PCDH7: variants seen among roughly 807,000 people sequenced by gnomAD.
PCDH7 encodes protocadherin-7.
PCDH7 carries 17 observed loss-of-function variants against 58.9 expected under a neutral mutation model. The ratio of observed to expected loss-of-function variants is 0.29; its 90% CI spans 0.20 to 0.43. PCDH7 has a LOEUF of 0.43. Among genes scored for constraint, PCDH7 ranks in the 20% least tolerant of loss-of-function variants. The pLI, the probability that PCDH7 is intolerant of heterozygous loss-of-function variation, is 1.00. For synonymous variants in PCDH7, 664 were observed against 616.4 expected, an observed-to-expected ratio of 1.08 and a Z score of -1.14; for missense variants, 1,274 against 1,441.0, an observed-to-expected ratio of 0.88 and a Z score of 1.88.
chr4:30,836,538 C>T (rs545672753), intron 1 of PCDH7, among the ~76,000 whole-genome samples: 1 of 152,258 alleles, frequency 6.6e-6, no homozygotes, highest in South Asian at 2.1e-4. Context: ...ATAACCAATG[C>T]TGCCCAGGAG....
intron 1 of PCDH7, among the ~76,000 whole-genome samples, chr4:30,854,245 A>C (rs1733151448): frequency 6.7e-6 from 1 of 149,928 alleles, no homozygotes; most frequent in African/African-American, 2.5e-5. Context: ...TCTAATTCTT[A>C]GGGGCTTTCT....
At chr4:31,016,360 A>G (rs1753597608) in intron 3 of PCDH7, among the ~76,000 whole-genome samples, 1 of 150,810 alleles carries the variant, frequency 6.6e-6, no homozygotes, top group Non-Finnish European at 1.5e-5. Flanking sequence ...GACTTACTAC[A>G]TGAGCTTGCT....
intron 1 of PCDH7, among the ~76,000 whole-genome samples, chr4:30,916,102 C>A (rs1433448134): frequency 1.3e-5 from 2 of 151,968 alleles, no homozygotes; most frequent in East Asian, 3.9e-4. Flanking sequence ...CCCTCGAAAC[C>A]CTGGAAAATA....
At chr4:30,886,278 A>T (rs749882644) in intron 1 of PCDH7, among the ~76,000 whole-genome samples, 11,809 of 148,514 alleles carry the variant, frequency 0.08, 448 homozygotes, top group Non-Finnish European at 0.12. Flanking sequence ...ATTTACAAGA[A>T]AAAAACAAAC....
At chr4:30,997,398 A>G (rs1246903941) in intron 3 of PCDH7, among the ~76,000 whole-genome samples, 1 of 152,142 alleles carries the variant, frequency 6.6e-6, no homozygotes, top group Non-Finnish European at 1.5e-5. Context: ...TGCTTTTAGG[A>G]TTGAAGATTG....
chr4:30,860,423 T>C (rs1341457845), intron 1 of PCDH7, among the ~76,000 whole-genome samples: 1 of 152,128 alleles, frequency 6.6e-6, no homozygotes, highest in Non-Finnish European at 1.5e-5. Flanking sequence ...AAGTCTTTTT[T>C]TTTTTGGTTT....
intron 3 of PCDH7, among the ~76,000 whole-genome samples, chr4:31,033,154 A>G (rs1021464755): frequency 1.3e-5 from 2 of 152,178 alleles, no homozygotes; most frequent in African/African-American, 4.8e-5. Context: ...CAAAATAAAA[A>G]TAATGTTAAA....
chr4:31,144,236 A>G (rs1720531296), downstream of PCDH7: 1 of 152,212 alleles, frequency 6.6e-6, no homozygotes, highest in Admixed American at 6.5e-5. Context: ...TGACTTTATC[A>G]CTAATGTGAT....
chr4:30,984,236 C>T (rs893011812), intron 3 of PCDH7, among the ~76,000 whole-genome samples: 8 of 152,066 alleles, frequency 5.3e-5, no homozygotes, highest in African/African-American at 9.7e-5. Flanking sequence ...AATCTTGCCT[C>T]GTAACTAGAG....
At chr4:30,928,634 A>G (rs1479563855) in intron 2 of PCDH7, among the ~76,000 whole-genome samples, 1 of 152,236 alleles carries the variant, frequency 6.6e-6, no homozygotes, top group African/African-American at 2.4e-5. Flanking sequence ...GGTGTGAGGT[A>G]CAGAGGAGGG....
chr4:31,051,952 T>C (rs1304039914), intron 3 of PCDH7, among the ~76,000 whole-genome samples: 3 of 152,126 alleles, frequency 2.0e-5, no homozygotes. Flanking sequence ...TTCATTTGCT[T>C]ATCAGTGGTA....
At chr4:31,068,597 C>A (rs28594812) in intron 3 of PCDH7, among the ~76,000 whole-genome samples, 4,999 of 152,056 alleles carry the variant, frequency 0.033, 249 homozygotes, top group African/African-American at 0.11. Context: ...ATCCAATTCT[C>A]TATAATAACC....
At chr4:30,861,620 G>A (rs1734211102) in intron 1 of PCDH7, among the ~76,000 whole-genome samples, 1 of 152,092 alleles carries the variant, frequency 6.6e-6, no homozygotes, top group Admixed American at 6.6e-5. Flanking sequence ...AAAGTAATGG[G>A]ATTAATTTCC....
intron 3 of PCDH7, among the ~76,000 whole-genome samples, chr4:31,088,003 T>C (rs1712694736): frequency 6.6e-6 from 1 of 152,076 alleles, no homozygotes; most frequent in African/African-American, 2.4e-5. Context: ...TCTAATTGTT[T>C]TTGTAAGGAA....
At chr4:31,052,147 G>T (rs1286665262) in intron 3 of PCDH7, among the ~76,000 whole-genome samples, 1 of 152,018 alleles carries the variant, frequency 6.6e-6, no homozygotes, top group Non-Finnish European at 1.5e-5. Flanking sequence ...AGGCATTAGA[G>T]AAGTGTTGAC....
At chr4:30,864,795 C>T (rs1330485002) in intron 1 of PCDH7, among the ~76,000 whole-genome samples, 2 of 152,032 alleles carry the variant, frequency 1.3e-5, no homozygotes, top group African/African-American at 2.4e-5. Flanking sequence ...AAAGTTCTCA[C>T]AGGCTGGATT....
intron 1 of PCDH7, among the ~76,000 whole-genome samples, chr4:30,841,193 T>A (rs2109338537): frequency 6.6e-6 from 1 of 152,232 alleles, no homozygotes; most frequent in East Asian, 1.9e-4. Context: ...TTTGGTTCTT[T>A]TCAAGATAAT....
intron 3 of PCDH7, among the ~76,000 whole-genome samples, chr4:31,084,624 G>A (rs1246743214): frequency 1.4e-5 from 2 of 147,228 alleles, no homozygotes; most frequent in African/African-American, 5.1e-5. Flanking sequence ...GGCAAAGGGA[G>A]GCAGTGTCAC....
At chr4:31,121,902 A>G (rs928303866) in intron 3 of PCDH7, among the ~76,000 whole-genome samples, 5 of 152,134 alleles carry the variant, frequency 3.3e-5, no homozygotes, top group African/African-American at 1.2e-4. Flanking sequence ...TCAGGAGGAA[A>G]AACTTCATGG....
Sources: allele counts gnomAD v4.1 joint callset (sites outside exome capture counted in the v4.1 genomes callset), GRCh38; gene constraint gnomAD v4.1.1; transcripts MANE v1.5; gene names NCBI Gene and HGNC (gene_info 2026-07-23, HGNC 2026-07-21).